The following AXL variants were observed in gnomAD, a reference collection of about 807,000 sequenced individuals.
AXL encodes the protein tyrosine-protein kinase receptor UFO.
Under a neutral mutation model 104.5 loss-of-function variants are expected in AXL, and 52 were observed. The observed-to-expected ratio is 0.50, with a 90% CI of 0.40 to 0.63. The LOEUF is 0.63. Ranked by LOEUF, AXL falls within the 20% of genes least tolerant of loss-of-function variation. AXL has a pLI of 0.00. For missense variants in AXL, 1,024 were observed against 1,188.5 expected (o/e 0.86, Z 2.04); for synonymous variants, 455 against 473.7 (o/e 0.96, Z 0.51).
chr19:41,244,739 C>T (rs749606939), intron 12 of AXL, among the ~76,000 whole-genome samples: 2 of 152,156 alleles, frequency 1.3e-5, no homozygotes, highest in Admixed American at 1.3e-4. Flanking sequence ...GATCAACCTG[C>T]CTTGGCCTCC....
chr19:41,245,945 A>G (rs907752411), intron 12 of AXL, among the ~76,000 whole-genome samples: 25 of 152,180 alleles, frequency 1.6e-4, no homozygotes, highest in African/African-American at 5.8e-4. Context: ...TCAGGGTGTG[A>G]GCCTGGTCCC....
At chr19:41,222,290 G>A (rs1015017005) in intron 4 of AXL, among the ~76,000 whole-genome samples, 1 of 151,388 alleles carries the variant, frequency 6.6e-6, no homozygotes, top group African/African-American at 2.4e-5. Context: ...GTGTCTTTCT[G>A]TCTCTCTTTG....
At chr19:41,248,956 A>C in intron 14 of AXL, 136 bp downstream of exon 14, 16 of 870,454 alleles carry the variant, frequency 1.8e-5, no homozygotes, top group Non-Finnish European at 2.1e-5. Context: ...CAGGTACCTC[A>C]ATAGAAGGAA....
At chr19:41,227,448 C>G (rs1268933163) in intron 4 of AXL, among the ~76,000 whole-genome samples, 2 of 150,630 alleles carry the variant, frequency 1.3e-5, no homozygotes, top group Admixed American at 6.6e-5. Flanking sequence ...TCTCTTTGGC[C>G]TATCCGAATT....
intron 17 of AXL, among the ~76,000 whole-genome samples, chr19:41,254,300 C>G (rs1224646437): frequency 6.7e-6 from 1 of 149,472 alleles, no homozygotes; most frequent in Non-Finnish European, 1.5e-5. Flanking sequence ...TTGCTTGAAC[C>G]CAGGAGGCGG....
At chr19:41,257,657 C>T (rs966502068) in intron 19 of AXL, 28 bp downstream of exon 19, 2 of 1,613,388 alleles carry the variant, frequency 1.2e-6, no homozygotes, top group African/African-American at 2.7e-5. Flanking sequence ...TCCCCCAACC[C>T]AGAATTCATT....
Position 41,231,242 on chromosome 19 carries a change from G to T in AXL, c.727G>T (p.Val243Leu). Residue 243 changes from valine to leucine, a missense_variant, in exon 6 of 20, where the codon GTG becomes TTG. Around this residue, in one of 5 missense-constraint regions of AXL, gnomAD observed 332 missense variants for 343.9 expected, o/e 0.97. Coordinates refer to ENST00000301178, the MANE Select transcript of AXL (RefSeq NM_021913.5). ...LVSRQPTELE[V>L]AWTPGLSGIY... ...CTCCCGCCAACCCACGGAGCTGGAG[G>T]TGGCTTGGACTCCAGGCCTGAGCGG... 2 of 1,613,858 alleles carry T rather than the reference G, an allele frequency of 1.2e-6. No individual in the cohort carries two copies. Among genetic ancestry groups the T allele is most frequent in the Non-Finnish European group, 1.7e-6 (2 of 1,179,852 alleles).
At chr19:41,253,551 C>A in intron 16 of AXL, 48 bp from the exon 17 acceptor site, 1 of 1,326,904 alleles carries the variant, frequency 7.5e-7, no homozygotes, top group Non-Finnish European at 1.1e-6. Context: ...GGAGGGATCG[C>A]ATCAAGGACT....
In AXL at chr19:41,231,315, T is replaced by C. The variant is rs200206204; in HGVS notation, c.783+17T>C. On this transcript the variant is annotated intron_variant, in intron 6 of 19. Transcript: ENST00000301178. ...ACCCTGCAGGTGAGACTCCCAAACT[T>C]GGTTCATTTCAGTCTCAGGCCTCCT... 1.2e-3 allele frequency: 1,901 copies of C among 1,603,480 alleles called. 4 individuals carry two copies. The highest frequency in any genetic ancestry group is 1.3e-3 in the Non-Finnish European group (1,516 of 1,172,920).
At chr19:41,219,629 C>G in intron 1 of AXL, 152 bp downstream of exon 1, 1 of 860,882 alleles carries the variant, frequency 1.2e-6, no homozygotes, top group Non-Finnish European at 1.8e-6. Context: ...GAGGGAGACA[C>G]AGACTCAGAG....
At chr19:41,220,132 C>G (rs546670519) in intron 1 of AXL, among the ~76,000 whole-genome samples, 1 of 150,400 alleles carries the variant, frequency 6.6e-6, no homozygotes, top group Non-Finnish European at 1.5e-5. Flanking sequence ...ACCTTTTCTT[C>G]TCTCTTGAGG....
chr19:41,252,356 A>G lies in AXL; in HGVS notation c.1717A>G (p.Ile573Val). ...KVAVKTMKIAICTRSELEDFL... is the reference protein window; with the variant it reads ...KVAVKTMKIAVCTRSELEDFL... ...ACCTTTCTCTCTCCCTCAAGTTGCC[A>G]TCTGCACGAGGTCAGAGCTGGAGGA... The change falls in exon 15 of 20, where the codon ATC becomes GTC. Residue 573 changes from isoleucine to valine, a missense_variant. Ile to Val is a conservative substitution (Grantham distance 29). Transcript: ENST00000301178. 6 of 1,613,402 alleles carry G rather than the reference A, an allele frequency of 3.7e-6. No homozygotes were observed. The highest frequency in any genetic ancestry group is 5.1e-6 in the Non-Finnish European group (6 of 1,179,778).
rs2033738854 is a variant in AXL at position 41,219,245 on chromosome 19, G to A, written c.-148G>A. 1 of 711,456 alleles carries A rather than the reference G, an allele frequency of 1.4e-6. No homozygotes were observed. 44.1% of individuals were successfully genotyped at this position (711,456 alleles called of 1,614,324 possible). A position where few individuals can be genotyped will look rare whatever the true frequency, so the allele number is the denominator to read the frequency against. The stretch of plus-strand genomic sequence containing the variant: ...GCTGAGAAGGCGGCTGCTGGGCAGA[G>A]CCGGTGGCAAGGGCCTCCCCTGCCG... On this transcript the variant is annotated 5_prime_UTR_variant, in exon 1 of 20. Coordinates refer to ENST00000301178, the MANE Select transcript of AXL (RefSeq NM_021913.5).
intron 10 of AXL, among the ~76,000 whole-genome samples, chr19:41,242,169 C>T (rs933666746): frequency 2.0e-5 from 3 of 152,058 alleles, no homozygotes; most frequent in Admixed American, 2.0e-4. Context: ...AATATCCATT[C>T]CACTCTTCTG....
In AXL at chr19:41,232,479, C is replaced by T. The variant is rs1004780516; in HGVS notation, c.783+1181C>T. On this transcript the variant is annotated intron_variant, in intron 6 of 19. Transcript: ENST00000301178. ...TCTACTAAAAATACAAAAAATTAGC[C>T]GGGTGTGGTGGCACACACCTGTAAT... Among the ~76,000 whole-genome samples the T allele has an allele frequency of 5.9e-5, 9 of 151,802 alleles. No homozygotes were observed. In the South Asian group the frequency reaches 6.2e-4, roughly 11 times the overall value.
At chr19:41,258,163 T>C (rs2034483659) in intron 19 of AXL, among the ~76,000 whole-genome samples, 1 of 152,180 alleles carries the variant, frequency 6.6e-6, no homozygotes, top group Non-Finnish European at 1.5e-5. Context: ...AGCTAGCACT[T>C]TGAGGGTAAA....
rs112426994 is a variant in AXL, at chr19:41,235,466, G to A, written c.784-2478G>A. The stretch of plus-strand genomic sequence containing the variant: ...CTAAATGCTTACATGCCCCAATTCA[G>A]TCAACCCTGTGAAGTGGGGAGCCAC... On this transcript the variant is annotated intron_variant, in intron 6 of 19. Coordinates refer to ENST00000301178, the MANE Select transcript of AXL (RefSeq NM_021913.5). 3.5e-3 allele frequency among the ~76,000 whole-genome samples: 526 copies of A among 152,252 alleles called. 2 individuals are homozygous for A. The highest frequency in any genetic ancestry group is 0.012 in the African/African-American group (508 of 41,530).
At chr19:41,227,488 C>CTTT (rs34569295) in intron 4 of AXL, among the ~76,000 whole-genome samples, 1 of 135,498 alleles carries the variant, frequency 7.4e-6, no homozygotes. Context: ...ACCCTGGGGC[C>CTTT]TTTTTTTTTT....
intron 17 of AXL, 96 bp downstream of exon 17, chr19:41,253,804 C>T: frequency 2.0e-6 from 2 of 1,010,806 alleles, no homozygotes; most frequent in South Asian, 2.8e-5. Context: ...GGGCTAGACA[C>T]CCGCTGAGGG....
Sources: allele counts gnomAD v4.1 joint callset (sites outside exome capture counted in the v4.1 genomes callset), GRCh38; gene constraint gnomAD v4.1.1; regional missense constraint gnomAD v4.1.1; transcripts MANE v1.5; gene names NCBI Gene and HGNC (gene_info 2026-07-23, HGNC 2026-07-21).